Variants in FRMPD2 observed in about 807,000 individuals in gnomAD.
FRMPD2 encodes the protein FERM and PDZ domain containing 2.
A neutral mutation model predicts 140.1 loss-of-function variants in FRMPD2; 96 were observed. The observed-to-expected ratio is 0.69, with a 90% CI of 0.58 to 0.81. FRMPD2 has a LOEUF of 0.81. Ranked by LOEUF, FRMPD2 falls within the 40% of genes least tolerant of loss-of-function variation. The pLI, the probability that FRMPD2 is intolerant of heterozygous loss-of-function variation, is 0.00. For missense variants in FRMPD2, 1,240 were observed against 1,447.4 expected (o/e 0.86, Z 2.32); for synonymous variants, 449 against 547.6 (o/e 0.82, Z 2.52).
At chr10:48,206,678 G>T (rs1839205906) in intron 14 of FRMPD2, 70 bp downstream of exon 14, 1 of 1,303,174 alleles carries the variant, frequency 7.7e-7, no homozygotes, top group Non-Finnish European at 1.1e-6. Context: ...ATGACCCACT[G>T]CTCCTTTAAA....
At chr10:48,269,427 G>T (rs1273407324) in intron 1 of FRMPD2, among the ~76,000 whole-genome samples, 3 of 152,218 alleles carry the variant, frequency 2.0e-5, no homozygotes, top group African/African-American at 7.2e-5. Context: ...TGCTGGTGGG[G>T]CAGGTGGTAC....
intron 12 of FRMPD2, among the ~76,000 whole-genome samples, chr10:48,216,595 T>C (rs945675565): frequency 7.2e-5 from 11 of 152,182 alleles, no homozygotes; most frequent in Admixed American, 3.3e-4. Context: ...AGCAGTTGTG[T>C]CATTTTATAT....
intron 3 of FRMPD2, among the ~76,000 whole-genome samples, chr10:48,247,684 C>T (rs1840282119): frequency 6.6e-6 from 1 of 152,226 alleles, no homozygotes; most frequent in Non-Finnish European, 1.5e-5. Context: ...GGTAACTCCC[C>T]TGCATTCTCA....
chr10:48,211,941 A>G lies in FRMPD2; in HGVS notation c.1611+13T>C. On this transcript the variant is annotated intron_variant, in intron 13 of 28. Transcript: ENST00000374201. ...GAAGACCAACACCTCTCTCCAGGTC[A>G]GGAAGGCCTTACCCTCAAGAACTTC... The G allele has an allele frequency of 1.2e-6, 2 of 1,611,638 alleles. No homozygotes were observed. Among genetic ancestry groups the G allele is most frequent in the Non-Finnish European group, 1.7e-6 (2 of 1,178,846 alleles).
At chr10:48,164,533 AC>A (rs1369737914) in intron 27 of FRMPD2, among the ~76,000 whole-genome samples, 18 of 147,146 alleles carry the variant, frequency 1.2e-4, no homozygotes, top group African/African-American at 3.1e-4. Flanking sequence ...CCCTGCCCTC[AC>A]CTACAAAAGA....
At chr10:48,243,415 G>A (rs1229019912) in intron 4 of FRMPD2, among the ~76,000 whole-genome samples, 1 of 152,238 alleles carries the variant, frequency 6.6e-6, no homozygotes, top group Non-Finnish European at 1.5e-5. Context: ...CTGAAGGGAA[G>A]GGGATTATGA....
At chr10:48,221,786 G>C (rs1294849237) in intron 12 of FRMPD2, among the ~76,000 whole-genome samples, 1 of 152,170 alleles carries the variant, frequency 6.6e-6, no homozygotes, top group Admixed American at 6.5e-5. Context: ...GCCTAGCAAA[G>C]AGAGCTCAGT....
intron 28 of FRMPD2, among the ~76,000 whole-genome samples, chr10:48,161,157 A>C (rs2132385694): frequency 6.6e-6 from 1 of 150,978 alleles, no homozygotes; most frequent in South Asian, 2.1e-4. Context: ...TACATGGACC[A>C]TGTGGGCCCG....
In FRMPD2 at chr10:48,247,780, A is replaced by G. The variant is rs533238176; in HGVS notation, c.309+1241T>C. ...GTGACATCTTAGCTGAGTCCAGGGC[A>G]TAAGAGGCAACTCAGTGTAGGTGGA... On this transcript the variant is annotated intron_variant, in intron 3 of 28. Transcript: ENST00000374201. Among the ~76,000 whole-genome samples, 11 of 152,344 alleles carry G rather than the reference A, an allele frequency of 7.2e-5. No individual in the cohort carries two copies. In the East Asian group the frequency reaches 1.5e-3, roughly 21 times the overall value.
intron 4 of FRMPD2, among the ~76,000 whole-genome samples, chr10:48,243,529 C>T (rs913265773): frequency 6.6e-5 from 10 of 152,242 alleles, no homozygotes; most frequent in Admixed American, 4.6e-4. Context: ...AGTGCAGGAC[C>T]CTGTGCTATG....
At chr10:48,258,274 T>A (rs1219280313) in intron 1 of FRMPD2, among the ~76,000 whole-genome samples, 1 of 152,186 alleles carries the variant, frequency 6.6e-6, no homozygotes, top group Non-Finnish European at 1.5e-5. Context: ...AGTTAAAGAG[T>A]TAAAGGTGTC....
intron 3 of FRMPD2, among the ~76,000 whole-genome samples, chr10:48,245,264 T>C (rs965246780): frequency 3.3e-5 from 5 of 152,108 alleles, no homozygotes; most frequent in African/African-American, 1.2e-4. Context: ...CTGGGGAAGG[T>C]AGAATGGAAA....
chr10:48,223,199 G>A lies in FRMPD2; in HGVS notation c.1240C>T (p.Pro414Ser). 2.5e-6 allele frequency: 4 copies of A among 1,613,956 alleles called. No homozygotes were observed. Among genetic ancestry groups the A allele is most frequent in the Non-Finnish European group, 3.4e-6 (4 of 1,179,856 alleles). The change falls in exon 11 of 29, where the codon CCT becomes TCT. Residue 414 changes from proline to serine, a missense_variant. Pro to Ser is a moderately conservative substitution (Grantham distance 74, BLOSUM62 -1). Coordinates refer to ENST00000374201, the MANE Select transcript of FRMPD2 (RefSeq NM_001018071.4). ...AAGGTATTCATGGAGGTCTTCTGAG[G>A]CTGCTCTCTCCAGCCTTCAGGAGCT... ...KIAPEGWREQ[P>S]QKTSMNTFTL...
At position 48,238,122 on chromosome 10, in the gene FRMPD2, C is replaced by A; in HGVS notation, c.790G>T (p.Ala264Ser). ...HSHCSLLVNR[A>S]LPGADPQDQQ... Reference sequence around the variant, plus strand: ...TCCTGGGGATCTGCTCCTGGAAGAGCGCTGGCCAGGGGTTGAGAAGGGGTG... The same window carrying A: ...TCCTGGGGATCTGCTCCTGGAAGAGAGCTGGCCAGGGGTTGAGAAGGGGTG... The change falls in exon 8 of 29, where the codon GCT becomes TCT. Residue 264 changes from alanine to serine, a missense_variant and splice_region_variant. Ala to Ser is a moderately conservative substitution (Grantham distance 99). Around this residue, in one of 6 missense-constraint regions of FRMPD2, gnomAD observed 1,161 missense variants for 1,055.9 expected, o/e 1.10. Transcript: ENST00000374201. 6.2e-7 allele frequency: 1 copy of A among 1,609,836 alleles called. No homozygotes were observed. Among genetic ancestry groups the A allele is most frequent in the Non-Finnish European group, 8.5e-7 (1 of 1,179,946 alleles).
intron 3 of FRMPD2, among the ~76,000 whole-genome samples, chr10:48,245,513 A>G (rs1468878962): frequency 6.6e-6 from 1 of 152,244 alleles, no homozygotes; most frequent in Non-Finnish European, 1.5e-5. Flanking sequence ...CTTAAAAATG[A>G]GTATTCTGCC....
At chr10:48,171,795 CT>C (rs1484103507) in intron 25 of FRMPD2, among the ~76,000 whole-genome samples, 20 of 152,158 alleles carry the variant, frequency 1.3e-4, no homozygotes, top group African/African-American at 4.8e-4. Context: ...ACAACATGCT[CT>C]TGGCATTTAA....
intron 1 of FRMPD2, among the ~76,000 whole-genome samples, chr10:48,267,959 G>T (rs949445436): frequency 6.6e-6 from 1 of 152,234 alleles, no homozygotes; most frequent in East Asian, 1.9e-4. Context: ...CATAGAGGCA[G>T]AAAGTAGGTT....
chr10:48,204,011 T>C (rs1416965864), intron 14 of FRMPD2, among the ~76,000 whole-genome samples: 1 of 152,160 alleles, frequency 6.6e-6, no homozygotes, highest in Non-Finnish European at 1.5e-5. Flanking sequence ...GTTACTTTAT[T>C]GCTAGCCATC....
intron 20 of FRMPD2, among the ~76,000 whole-genome samples, chr10:48,182,019 A>G (rs1838565728): frequency 6.6e-6 from 1 of 151,968 alleles, no homozygotes; most frequent in African/African-American, 2.4e-5. Context: ...AATAACAGTT[A>G]GATTTTCTTT....
Sources: allele counts gnomAD v4.1 joint callset (sites outside exome capture counted in the v4.1 genomes callset), GRCh38; gene constraint gnomAD v4.1.1; regional missense constraint gnomAD v4.1.1; transcripts MANE v1.5; gene names NCBI Gene and HGNC (gene_info 2026-07-23, HGNC 2026-07-21).